MAGI2: variants seen among roughly 807,000 people sequenced by gnomAD.
MAGI2 encodes the protein membrane associated guanylate kinase, WW and PDZ domain containing 2, also known as membrane-associated guanylate kinase, WW and PDZ domain-containing protein 2.
Under a neutral mutation model 133.3 loss-of-function variants are expected in MAGI2, and 35 were observed. That is an observed-to-expected ratio of 0.26 (90% CI 0.20 to 0.35). MAGI2 has a LOEUF of 0.35. MAGI2 is among the 10% of genes least tolerant of loss of function. The pLI is 1.00. For synonymous variants in MAGI2, 729 were observed against 710.6 expected (o/e 1.03, Z -0.41); for missense variants, 1,636 against 1,863.4 (o/e 0.88, Z 2.25).
intron 2 of MAGI2, among the ~76,000 whole-genome samples, chr7:78,809,867 A>AAAGT (rs1167953553): frequency 2.0e-5 from 3 of 152,200 alleles, no homozygotes; most frequent in African/African-American, 7.2e-5. Context: ...TTCAATCTAA[A>AAAGT]AAGTAAGTAA....
intron 1 of MAGI2, among the ~76,000 whole-genome samples, chr7:79,402,270 TA>T (rs1319671130): frequency 6.6e-6 from 1 of 152,188 alleles, no homozygotes. Flanking sequence ...ATTTTAATAG[TA>T]ACCATGAAAT....
Position 79,407,185 on chromosome 7 carries a change from T to A in MAGI2, c.301+45835A>T, listed in dbSNP as rs558884389. ...AGAATCAAAATGATGAATTTTACAT[T>A]TGTAAAACCTTGACCTGATATTCAT... On this transcript the variant is annotated intron_variant, in intron 1 of 21. Transcript: ENST00000354212. Among the ~76,000 whole-genome samples the A allele has an allele frequency of 3.2e-4, 48 of 152,258 alleles. No homozygotes were observed. The South Asian group carries it at 9.9e-3, about 32-fold the overall frequency.
chr7:78,950,959 C>G (rs1191885385), intron 2 of MAGI2, among the ~76,000 whole-genome samples: 1 of 150,602 alleles, frequency 6.6e-6, no homozygotes, highest in African/African-American at 2.4e-5. Flanking sequence ...CTCTCCCACC[C>G]TAACGTTAGC....
At chr7:79,154,994 G>C (rs765622839) in intron 1 of MAGI2, among the ~76,000 whole-genome samples, 7 of 152,156 alleles carry the variant, frequency 4.6e-5, no homozygotes, top group Non-Finnish European at 1.5e-5. Flanking sequence ...TCCACTTGTG[G>C]AAAGGATAGT....
At chr7:78,561,046 G>C (rs768737796) in intron 3 of MAGI2, among the ~76,000 whole-genome samples, 5 of 152,132 alleles carry the variant, frequency 3.3e-5, no homozygotes, top group Non-Finnish European at 2.9e-5. Context: ...TGTTGGAACA[G>C]GGATTCACAG....
chr7:78,036,244 C>A (rs1052599119), intron 21 of MAGI2, among the ~76,000 whole-genome samples: 13 of 152,006 alleles, frequency 8.6e-5, no homozygotes, highest in African/African-American at 3.1e-4. Flanking sequence ...AGCTTCACTA[C>A]TGAACAGCTG....
chr7:78,238,969 T>A (rs1287250652), intron 10 of MAGI2, among the ~76,000 whole-genome samples: 1 of 152,140 alleles, frequency 6.6e-6, no homozygotes, highest in East Asian at 1.9e-4. Flanking sequence ...TTAGCCAACT[T>A]AGCTCCTTGT....
At chr7:78,672,210 C>T (rs1432516998) in intron 2 of MAGI2, among the ~76,000 whole-genome samples, 1 of 152,074 alleles carries the variant, frequency 6.6e-6, no homozygotes, top group Non-Finnish European at 1.5e-5. Flanking sequence ...ATCCCTCATG[C>T]CCTCCTCATG....
chr7:78,076,690 C>CA (rs1002717912), intron 21 of MAGI2, among the ~76,000 whole-genome samples: 2 of 146,402 alleles, frequency 1.4e-5, no homozygotes, highest in African/African-American at 2.5e-5. Flanking sequence ...ACTAAAAATA[C>CA]AAAAAATTAG....
chr7:78,709,061 C>CT (rs1818921312), intron 2 of MAGI2, among the ~76,000 whole-genome samples: 1 of 152,130 alleles, frequency 6.6e-6, no homozygotes, highest in Non-Finnish European at 1.5e-5. Flanking sequence ...AACTCTCCCT[C>CT]TTTCAGTCCA....
At chr7:79,222,183 G>A (rs543419808) in intron 1 of MAGI2, among the ~76,000 whole-genome samples, 11 of 151,938 alleles carry the variant, frequency 7.2e-5, no homozygotes, top group South Asian at 2.1e-4. Flanking sequence ...AAACAGAAAG[G>A]TTCATAATAG....
chr7:79,329,211 A>C (rs1839900778), intron 1 of MAGI2, among the ~76,000 whole-genome samples: 1 of 152,242 alleles, frequency 6.6e-6, no homozygotes, highest in Non-Finnish European at 1.5e-5. Flanking sequence ...TCACCATTTC[A>C]TCACTCTACA....
At chr7:78,339,112 C>T (rs1308903199) in intron 9 of MAGI2, among the ~76,000 whole-genome samples, 1 of 152,224 alleles carries the variant, frequency 6.6e-6, no homozygotes, top group Non-Finnish European at 1.5e-5. Context: ...GTTTATGGGC[C>T]TGTGGCCCCT....
chr7:79,322,229 G>C (rs984660812), intron 1 of MAGI2, among the ~76,000 whole-genome samples: 2 of 152,056 alleles, frequency 1.3e-5, no homozygotes, highest in African/African-American at 4.8e-5. Context: ...ATTAAAGTAA[G>C]GTACAGAGAG....
chr7:78,827,232 T>G (rs1252350085), intron 2 of MAGI2, among the ~76,000 whole-genome samples: 1 of 152,172 alleles, frequency 6.6e-6, no homozygotes, highest in Non-Finnish European at 1.5e-5. Context: ...AATACCATTC[T>G]TAATAAAAGG....
chr7:78,434,255 T>C (rs1800066806), intron 6 of MAGI2, among the ~76,000 whole-genome samples: 1 of 152,058 alleles, frequency 6.6e-6, no homozygotes, highest in Non-Finnish European at 1.5e-5. Flanking sequence ...ATTACAATGA[T>C]TGTATAGAGA....
At chr7:78,857,951 C>T (rs1317002179) in intron 2 of MAGI2, among the ~76,000 whole-genome samples, 4 of 152,058 alleles carry the variant, frequency 2.6e-5, no homozygotes, top group Admixed American at 6.6e-5. Flanking sequence ...ATCTAGTCAG[C>T]GATTCAGCTT....
In MAGI2 at chr7:78,573,035, GTATATATATATATATA is replaced by G. The variant is rs765938732; in HGVS notation, c.539-51406_539-51391del. On this transcript the variant is annotated intron_variant, in intron 3 of 21. Coordinates refer to ENST00000354212, the MANE Select transcript of MAGI2 (RefSeq NM_012301.4). ...ATAGGATATATATATGCATATGTATGTATATATATATATATATATATATATATATATATATATATAT... is the reference window on the plus strand; with the variant it reads ...ATAGGATATATATATGCATATGTATGTATATATATATATATATATATATAT... Among the ~76,000 whole-genome samples the G allele has an allele frequency of 7.3e-4, 23 of 31,686 alleles. No homozygotes were observed. In the South Asian group the frequency reaches 0.014, roughly 19 times the overall value. 20.8% of individuals were successfully genotyped at this position (31,686 alleles called of 152,430 possible). A position where few individuals can be genotyped will look rare whatever the true frequency, so the allele number is the denominator to read the frequency against.
intron 1 of MAGI2, among the ~76,000 whole-genome samples, chr7:79,330,030 T>C (rs1839949290): frequency 6.6e-6 from 1 of 152,182 alleles, no homozygotes; most frequent in Non-Finnish European, 1.5e-5. Flanking sequence ...CCCTAATAGA[T>C]GGGCTTTAGC....
Sources: gnomAD v4.1 joint callset for allele counts (sites outside exome capture counted in the v4.1 genomes callset) on GRCh38, gnomAD v4.1.1 for gene constraint, MANE v1.5 for transcripts, NCBI Gene and HGNC (gene_info 2026-07-23, HGNC 2026-07-21) for gene names.